Variants in BCL11B observed in about 807,000 individuals in gnomAD.
The protein encoded by BCL11B is B-cell lymphoma/leukemia 11B.
BCL11B carries 8 observed loss-of-function variants against 49.9 expected under a neutral mutation model. The ratio of observed to expected loss-of-function variants is 0.16; its 90% confidence interval spans 0.09 to 0.29. The LOEUF (loss-of-function observed/expected upper bound fraction) is 0.29. Among genes scored for constraint, BCL11B ranks in the 10% least tolerant of loss-of-function variants. BCL11B has a pLI of 1.00. For synonymous variants in BCL11B, 739 were observed against 637.4 expected, an observed-to-expected ratio of 1.16 and a Z score of -2.40; for missense variants, 1,006 against 1,351.0, an observed-to-expected ratio of 0.74 and a Z score of 4.00.
Position 99,228,843 on chromosome 14 carries a change from C to T in BCL11B, c.640+2502G>A, listed in dbSNP as rs768705313. Among the ~76,000 whole-genome samples the T allele has an allele frequency of 7.9e-5, 12 of 152,212 alleles. No homozygotes were observed. The highest frequency in any genetic ancestry group is 2.1e-4 in the South Asian group (1 of 4,834). ...TGCACGAGGGCAGGGACCTGCCTGC[C>T]GACTCTTCCTGTGTGTGCACAGTGC... On this transcript the variant is annotated intron_variant, in intron 3 of 3. Coordinates refer to ENST00000357195, the MANE Select transcript of BCL11B (RefSeq NM_138576.4). This position sits in a 1 kb window ranked among gnomAD's most constrained non-coding sequence, Gnocchi z 4.8.
Position 99,169,768 on chromosome 14 carries a change from C to A in BCL11B, c.*4383G>T, listed in dbSNP as rs1013499464. ...TGCCTGTGTTCCACGAGACCTTCGG[C>A]TGACGGTTACTTAGGACCGGGATGA... On this transcript the variant is annotated 3_prime_UTR_variant, in exon 4 of 4. Transcript: ENST00000357195. The A allele has an allele frequency of 4.0e-5, 9 of 225,342 alleles. No homozygotes were observed. The highest frequency in any genetic ancestry group is 8.0e-5 in the Non-Finnish European group (9 of 112,890). The allele number at this position is 225,342 out of a possible 1,614,324, so 14.0% of individuals were successfully genotyped here. A position where few individuals can be genotyped will look rare whatever the true frequency, so the allele number is the denominator to read the frequency against.
chr14:99,212,149 G>A (rs1175255412), intron 3 of BCL11B, among the ~76,000 whole-genome samples: 1 of 152,150 alleles, frequency 6.6e-6, no homozygotes, highest in Non-Finnish European at 1.5e-5. Context: ...CTCCTACCCA[G>A]GGATTCACCT....
rs1159784181 is a variant in BCL11B, at chr14:99,169,883, G to A, written c.*4268C>T. The A allele has an allele frequency of 8.7e-6, 2 of 229,630 alleles. No individual in the cohort carries two copies. The highest frequency in any genetic ancestry group is 4.4e-5 in the African/African-American group (2 of 45,096). 14.2% of individuals were successfully genotyped at this position (229,630 alleles called of 1,614,324 possible). A position where few individuals can be genotyped will look rare whatever the true frequency, so the allele number is the denominator to read the frequency against. On this transcript the variant is annotated 3_prime_UTR_variant, in exon 4 of 4. Coordinates refer to ENST00000357195, the MANE Select transcript of BCL11B (RefSeq NM_138576.4). ...AAGACCCTCTAATGCCAAGTGGCAG[G>A]TTCCAATTGGGGGCAACTTTGAACA...
At chr14:99,260,876 T>G (rs772035082) in intron 1 of BCL11B, among the ~76,000 whole-genome samples, 4 of 151,866 alleles carry the variant, frequency 2.6e-5, no homozygotes, top group Non-Finnish European at 5.9e-5. Context: ...CCCGGGATTA[T>G]CCAGGCCTCC....
chr14:99,264,295 C>CA (rs145151388), intron 1 of BCL11B: 1 of 151,778 alleles, frequency 6.6e-6, no homozygotes, highest in African/African-American at 2.4e-5. Flanking sequence ...ACCGCCCCCC[C>CA]CCTTTTTTTT....
At chr14:99,203,625 C>A (rs1256615637) in intron 3 of BCL11B, among the ~76,000 whole-genome samples, 1 of 152,152 alleles carries the variant, frequency 6.6e-6, no homozygotes, top group Non-Finnish European at 1.5e-5. Context: ...ACAAGGAGTT[C>A]ATTCATTCAC....
chr14:99,257,107 C>CT lies in BCL11B; in HGVS notation c.427+363dup, dbSNP rs551984864. Among the ~76,000 whole-genome samples the CT allele has an allele frequency of 1.8e-3, 271 of 152,282 alleles. No homozygotes were observed. Among genetic ancestry groups the CT allele is most frequent in the Non-Finnish European group, 2.7e-3 (184 of 68,012 alleles). On this transcript the variant is annotated intron_variant, in intron 2 of 3. Coordinates refer to ENST00000357195, the MANE Select transcript of BCL11B (RefSeq NM_138576.4). This position sits in a 1 kb window ranked among gnomAD's most constrained non-coding sequence, Gnocchi z 6.2. The stretch of plus-strand genomic sequence containing the variant: ...CATGTCCAAGTTGTGAAGACAAACT[C>CT]TAACCCAAAACTGTCTGGCTTCAAA...
At chr14:99,222,773 A>C (rs1888047607) in intron 3 of BCL11B, among the ~76,000 whole-genome samples, 1 of 151,662 alleles carries the variant, frequency 6.6e-6, no homozygotes, top group Admixed American at 6.6e-5. Flanking sequence ...CGGTGGTAAA[A>C]CCCCTGTAGA....
intron 3 of BCL11B, among the ~76,000 whole-genome samples, chr14:99,207,876 T>C (rs757084227): frequency 4.6e-5 from 7 of 152,154 alleles, no homozygotes; most frequent in Non-Finnish European, 1.0e-4. Context: ...TGGCAGATCC[T>C]GTCCCCAGAT....
rs1886337420 is a variant in BCL11B at position 99,172,921 on chromosome 14, G to A, written c.*1230C>T. On this transcript the variant is annotated 3_prime_UTR_variant, in exon 4 of 4. Coordinates refer to ENST00000357195, the MANE Select transcript of BCL11B (RefSeq NM_138576.4). The stretch of plus-strand genomic sequence containing the variant: ...CTCATCCCCTGCTTTTTCAGTAAAA[G>A]AGAATAGAAATTTGCAAGATCCCCA... 4.4e-6 allele frequency: 1 copy of A among 228,602 alleles called. No individual in the cohort carries two copies. The highest frequency in any genetic ancestry group is 8.7e-6 in the Non-Finnish European group (1 of 115,054). The allele number at this position is 228,602 out of a possible 1,614,324, so 14.2% of individuals were successfully genotyped here. A position where few individuals can be genotyped will look rare whatever the true frequency, so the allele number is the denominator to read the frequency against.
intron 1 of BCL11B, among the ~76,000 whole-genome samples, chr14:99,265,431 G>A (rs867447057): frequency 2.0e-5 from 3 of 152,144 alleles, no homozygotes; most frequent in Non-Finnish European, 2.9e-5. Context: ...GGAGATGAAG[G>A]AGAGTCTCCA....
At chr14:99,210,232 T>G (rs537489395) in intron 3 of BCL11B, among the ~76,000 whole-genome samples, 1 of 152,292 alleles carries the variant, frequency 6.6e-6, no homozygotes, top group East Asian at 1.9e-4. Context: ...CCAACTCTAA[T>G]GCGTCTCTGG....
rs1887324509 is a variant in BCL11B at position 99,199,892 on chromosome 14, T to C, written c.641-23697A>G. Among the ~76,000 whole-genome samples the C allele has an allele frequency of 2.6e-5, 4 of 152,166 alleles. No homozygotes were observed. The South Asian group carries it at 6.2e-4, about 24-fold the overall frequency. ...TTAAATATATTCGAACGCTTGTTGGTATTGCCTCGCCACAGGATTAATTAT... is the reference window on the plus strand; with the variant it reads ...TTAAATATATTCGAACGCTTGTTGGCATTGCCTCGCCACAGGATTAATTAT... On this transcript the variant is annotated intron_variant, in intron 3 of 3. Coordinates refer to ENST00000357195, the MANE Select transcript of BCL11B (RefSeq NM_138576.4).
Position 99,257,968 on chromosome 14 carries a change from C to G in BCL11B, c.59-129G>C. ...CCCCCTCTGCTGCTGGCTGCCAGAG[C>G]TCACCAGGTCCTCCCCGGGGTTGGG... On this transcript the variant is annotated intron_variant, in intron 1 of 3. Transcript: ENST00000357195. This position sits in a 1 kb window ranked among gnomAD's most constrained non-coding sequence, Gnocchi z 6.2. 1 of 1,170,386 alleles carries G rather than the reference C, an allele frequency of 8.5e-7. No homozygotes were observed. Among genetic ancestry groups the G allele is most frequent in the Non-Finnish European group, 1.1e-6 (1 of 882,706 alleles). The allele number at this position is 1,170,386 out of a possible 1,614,324, so 72.5% of individuals were successfully genotyped here.
At chr14:99,211,096 G>A (rs1013728322) in intron 3 of BCL11B, among the ~76,000 whole-genome samples, 5 of 152,160 alleles carry the variant, frequency 3.3e-5, no homozygotes, top group Non-Finnish European at 5.9e-5. Flanking sequence ...ATCCACACAT[G>A]CGTACCCAGG....
intron 3 of BCL11B, among the ~76,000 whole-genome samples, chr14:99,206,691 C>T (rs1212798881): frequency 2.0e-5 from 3 of 152,198 alleles, no homozygotes; most frequent in Non-Finnish European, 4.4e-5. Flanking sequence ...GCATATTGTT[C>T]CAACTGTTCT....
chr14:99,170,308 T>G lies in BCL11B; in HGVS notation c.*3843A>C, dbSNP rs1439834832. ...TAAGTGGCAAGGAGGAAAGAGTGCATCGAACAGAAAAGCTTCTGCATTTGG... is the reference window on the plus strand; with the variant it reads ...TAAGTGGCAAGGAGGAAAGAGTGCAGCGAACAGAAAAGCTTCTGCATTTGG... On this transcript the variant is annotated 3_prime_UTR_variant, in exon 4 of 4. Coordinates refer to ENST00000357195, the MANE Select transcript of BCL11B (RefSeq NM_138576.4). 4.5e-6 allele frequency: 1 copy of G among 220,746 alleles called. No homozygotes were observed. The highest frequency in any genetic ancestry group is 9.1e-6 in the Non-Finnish European group (1 of 110,246). The allele number at this position is 220,746 out of a possible 1,614,324, so 13.7% of individuals were successfully genotyped here.
chr14:99,218,669 T>C (rs113985594), intron 3 of BCL11B, among the ~76,000 whole-genome samples: 2,478 of 150,456 alleles, frequency 0.016, 73 homozygotes, highest in African/African-American at 0.057. Context: ...ACCAGCTGGG[T>C]TTCCTGCCCT....
chr14:99,250,629 A>T (rs1888980978), intron 2 of BCL11B, among the ~76,000 whole-genome samples: 1 of 152,108 alleles, frequency 6.6e-6, no homozygotes, highest in Non-Finnish European at 1.5e-5. Flanking sequence ...ACCACTCAAA[A>T]AAGCTGTCAA....
Sources: allele counts gnomAD v4.1 joint callset (sites outside exome capture counted in the v4.1 genomes callset), GRCh38; gene constraint gnomAD v4.1.1; non-coding constraint Gnocchi (gnomAD v3.1); transcripts MANE v1.5; gene names NCBI Gene and HGNC (gene_info 2026-07-23, HGNC 2026-07-21).